Variants in PCDH9 observed in about 807,000 individuals in gnomAD.
PCDH9 encodes the protein protocadherin 9, also known as protocadherin-9.
PCDH9 carries 24 observed loss-of-function variants against 70.6 expected under a neutral mutation model. The ratio of observed to expected loss-of-function variants is 0.34; its 90% CI spans 0.25 to 0.48. PCDH9 has a LOEUF of 0.48. PCDH9 is among the 20% of genes least tolerant of loss of function. The probability of loss-of-function intolerance (pLI) is 0.99; values close to 1 mark genes in which losing one functional copy is unlikely to be tolerated. For missense variants in PCDH9, 1,281 were observed against 1,503.6 expected, an observed-to-expected ratio of 0.85 and a Z score of 2.45; for synonymous variants, 562 against 558.5, an observed-to-expected ratio of 1.01 and a Z score of -0.09.
At chr13:67,184,168 T>C (rs755560026) in intron 2 of PCDH9, among the ~76,000 whole-genome samples, 80 of 152,102 alleles carry the variant, frequency 5.3e-4, no homozygotes, top group Admixed American at 8.5e-4. Context: ...TTAGTAAAAA[T>C]GTAGGTTATA....
intron 3 of PCDH9, among the ~76,000 whole-genome samples, chr13:66,887,078 C>T (rs567057370): frequency 6.0e-4 from 83 of 139,238 alleles, no homozygotes; most frequent in Non-Finnish European, 1.2e-3. Flanking sequence ...CACACACACA[C>T]CCTGTATTTC....
intron 2 of PCDH9, among the ~76,000 whole-genome samples, chr13:67,161,783 G>A (rs951795025): frequency 2.6e-5 from 4 of 152,148 alleles, no homozygotes; most frequent in Non-Finnish European, 2.9e-5. Flanking sequence ...TAGAAAAGGA[G>A]ACTATTTCCT....
rs376837431 is a variant in PCDH9 at position 67,000,212 on chromosome 13, T to C, written c.3037-96607A>G. On this transcript the variant is annotated intron_variant, in intron 2 of 4. Coordinates refer to ENST00000377865, the MANE Select transcript of PCDH9 (RefSeq NM_203487.3). ...ATGGATGAAATTGGAAATCATCATT[T>C]TCAGTAAACTATCGCAGGGACAAAA... Among the ~76,000 whole-genome samples, 4 of 151,848 alleles carry C rather than the reference T, an allele frequency of 2.6e-5. No individual in the cohort carries two copies. The South Asian group carries it at 6.3e-4, about 24-fold the overall frequency.
intron 4 of PCDH9, among the ~76,000 whole-genome samples, chr13:66,565,596 A>G (rs1044089372): frequency 6.6e-6 from 1 of 152,190 alleles, no homozygotes; most frequent in Non-Finnish European, 1.5e-5. Flanking sequence ...ATAGTTAGTA[A>G]TCTCATCTTC....
At chr13:67,062,480 C>T (rs184974970) in intron 2 of PCDH9, among the ~76,000 whole-genome samples, 23 of 152,268 alleles carry the variant, frequency 1.5e-4, no homozygotes, top group Admixed American at 1.5e-3. Flanking sequence ...GCAAGCACAT[C>T]TCCTGGTATT....
intron 3 of PCDH9, among the ~76,000 whole-genome samples, chr13:66,788,511 C>T (rs781768544): frequency 2.6e-5 from 4 of 152,060 alleles, no homozygotes; most frequent in Admixed American, 6.6e-5. Flanking sequence ...TTTATCGTGA[C>T]GTCCAGCATG....
chr13:67,127,239 A>T (rs2086999171), intron 2 of PCDH9, among the ~76,000 whole-genome samples: 1 of 152,122 alleles, frequency 6.6e-6, no homozygotes, highest in Admixed American at 6.5e-5. Context: ...GACCCGATGA[A>T]CTCAATGGAA....
chr13:66,801,387 A>T (rs560039138), intron 3 of PCDH9, among the ~76,000 whole-genome samples: 1 of 152,104 alleles, frequency 6.6e-6, no homozygotes, highest in African/African-American at 2.4e-5. Context: ...AGGTCAGAGA[A>T]TCAAATGCTC....
chr13:67,174,335 A>C (rs943092188), intron 2 of PCDH9, among the ~76,000 whole-genome samples: 1 of 151,950 alleles, frequency 6.6e-6, no homozygotes, highest in African/African-American at 2.4e-5. Context: ...ACATACATAC[A>C]TACATACATA....
intron 3 of PCDH9, among the ~76,000 whole-genome samples, chr13:66,633,065 C>T (rs1033223378): frequency 6.6e-6 from 1 of 152,032 alleles, no homozygotes; most frequent in African/African-American, 2.4e-5. Context: ...CAGCCTATAT[C>T]CTGTGAGTCA....
chr13:66,586,171 T>C (rs1204354306), intron 4 of PCDH9, among the ~76,000 whole-genome samples: 1 of 152,086 alleles, frequency 6.6e-6, no homozygotes, highest in Non-Finnish European at 1.5e-5. Context: ...GAGAAATGAG[T>C]ATAAATAAAT....
chr13:67,167,290 T>G (rs925584238), intron 2 of PCDH9, among the ~76,000 whole-genome samples: 1 of 152,058 alleles, frequency 6.6e-6, no homozygotes, highest in Non-Finnish European at 1.5e-5. Context: ...GCAAATTACT[T>G]AAGTTCTTTG....
At chr13:66,625,594 G>T (rs1180942474) in intron 4 of PCDH9, among the ~76,000 whole-genome samples, 11 of 148,534 alleles carry the variant, frequency 7.4e-5, no homozygotes, top group African/African-American at 2.2e-4. Flanking sequence ...TATATGTTGG[G>T]TTTTTTTTTC....
chr13:66,730,772 A>T (rs2079062098), intron 3 of PCDH9, among the ~76,000 whole-genome samples: 1 of 150,616 alleles, frequency 6.6e-6, no homozygotes, highest in African/African-American at 2.4e-5. Context: ...TTGACATTGC[A>T]GGCTCAAGTG....
intron 3 of PCDH9, chr13:66,782,757 G>A (rs1358995687): frequency 6.6e-6 from 1 of 151,984 alleles, no homozygotes; most frequent in African/African-American, 2.4e-5. Context: ...CATTGGTCTG[G>A]AGTTTATTCA....
chr13:67,179,200 G>C (rs1220439036), intron 2 of PCDH9, among the ~76,000 whole-genome samples: 2 of 152,006 alleles, frequency 1.3e-5, no homozygotes, highest in Admixed American at 1.3e-4. Flanking sequence ...TTACAGAGGT[G>C]GAAACTGAGG....
In PCDH9 at chr13:66,944,724, C is replaced by T. The variant is rs116068411; in HGVS notation, c.3037-41119G>A. On this transcript the variant is annotated intron_variant, in intron 2 of 4. Transcript: ENST00000377865. ...GAGGTTTGAGGTTGTGCACACAGCT[C>T]TGCCTGTGGCAGAATGGGCAAATGT... Among the ~76,000 whole-genome samples the T allele has an allele frequency of 7.4e-3, 1,133 of 152,172 alleles. 18 individuals are homozygous for T. The highest frequency in any genetic ancestry group is 0.025 in the African/African-American group (1,056 of 41,508).
chr13:67,228,997 T>A (rs2089949856), intron 1 of PCDH9, among the ~76,000 whole-genome samples: 2 of 152,214 alleles, frequency 1.3e-5, no homozygotes, highest in South Asian at 4.1e-4. Context: ...ATGTCAAATG[T>A]GTTTTCTTCT....
At chr13:66,445,568 G>GACATATATATTATATATACACA (rs1566330964) in intron 4 of PCDH9, among the ~76,000 whole-genome samples, 1 of 114,050 alleles carries the variant, frequency 8.8e-6, no homozygotes, top group African/African-American at 3.4e-5. Context: ...ATATATACGT[G>GACATATATATTATATATACACA]TATATATTAT....
Sources: gnomAD v4.1 joint callset for allele counts (sites outside exome capture counted in the v4.1 genomes callset) on GRCh38, gnomAD v4.1.1 for gene constraint, MANE v1.5 for transcripts, NCBI Gene and HGNC (gene_info 2026-07-23, HGNC 2026-07-21) for gene names.